BOD1L2: variants seen among roughly 807,000 people sequenced by gnomAD.
BOD1L2 encodes biorientation of chromosomes in cell division protein 1-like 2.
BOD1L2 carries 6 observed loss-of-function variants against 5.3 expected under a neutral mutation model. That is an observed-to-expected ratio of 1.14 (90% confidence interval 0.62 to 2.25). The LOEUF (loss-of-function observed/expected upper bound fraction) is 2.25. Among genes scored for constraint, BOD1L2 ranks in the 30% most tolerant of loss-of-function variants. The pLI is 0.00. For synonymous variants in BOD1L2, 96 were observed against 96.3 expected, an observed-to-expected ratio of 1.00 and a Z score of 0.02; for missense variants, 210 against 227.2, an observed-to-expected ratio of 0.92 and a Z score of 0.49.
chr18:57,147,365 G>T lies in BOD1L2; in HGVS notation c.53G>T (p.Arg18Leu). 2 of 1,500,186 alleles carry T rather than the reference G, an allele frequency of 1.3e-6. No individual in the cohort carries two copies. The highest frequency in any genetic ancestry group is 1.8e-6 in the Non-Finnish European group (2 of 1,128,748). 92.9% of individuals were successfully genotyped at this position (1,500,186 alleles called of 1,614,324 possible). A position where few individuals can be genotyped will look rare whatever the true frequency, so the allele number is the denominator to read the frequency against. Residue 18 changes from arginine (R) to leucine (L), a missense_variant, in exon 1 of 1, where the codon CGG becomes CTG. Transcript: ENST00000585477. Reference protein sequence around the residue: ...GSGGAGPASTRASGGGGPINP... With the variant: ...GSGGAGPASTLASGGGGPINP... Reference sequence around the variant, plus strand: ...GGCGGTGCGGGCCCGGCCTCGACCCGGGCCAGCGGGGGCGGCGGCCCCATC... The same window carrying T: ...GGCGGTGCGGGCCCGGCCTCGACCCTGGCCAGCGGGGGCGGCGGCCCCATC...
Position 57,147,805 on chromosome 18 carries a change from C to T in BOD1L2, c.493C>T (p.Pro165Ser). Residue 165 changes from proline to serine, a missense_variant, in exon 1 of 1, where the codon CCA becomes TCA. Coordinates refer to ENST00000585477, the MANE Select transcript of BOD1L2 (RefSeq NM_001257964.2). ...TCCAGAGCCAGAAGGCCAGGACCCT[C>T]CAGCTCCGTCTCAGGACACTTCCTA... The part of the protein sequence containing the change: ...LPPEPEGQDP[P>S]APSQDTS The T allele has an allele frequency of 6.2e-7, 1 of 1,612,302 alleles. No individual in the cohort carries two copies. Among genetic ancestry groups the T allele is most frequent in the Non-Finnish European group, 8.5e-7 (1 of 1,179,180 alleles).
Position 57,148,428 on chromosome 18 carries a change from A to C in BOD1L2, c.*597A>C, listed in dbSNP as rs2048938970. ...GAGATAACAAAGCATGAAACCCTAG[A>C]ATGAGTGAGAAGTTCAGACATTAGG... On this transcript the variant is annotated 3_prime_UTR_variant, in exon 1 of 1. Transcript: ENST00000585477. 1 of 152,796 alleles carries C rather than the reference A, an allele frequency of 6.5e-6. No homozygotes were observed. The highest frequency in any genetic ancestry group is 6.5e-5 in the Admixed American group (1 of 15,372). 9.5% of individuals were successfully genotyped at this position (152,796 alleles called of 1,614,324 possible).
In BOD1L2 at chr18:57,148,108, A is replaced by C; in HGVS notation, c.*277A>C. 1 of 339,340 alleles carries C rather than the reference A, an allele frequency of 2.9e-6. No individual in the cohort carries two copies. The highest frequency in any genetic ancestry group is 5.5e-6 in the Non-Finnish European group (1 of 182,750). The allele number at this position is 339,340 out of a possible 1,614,324, so 21.0% of individuals were successfully genotyped here. On this transcript the variant is annotated 3_prime_UTR_variant, in exon 1 of 1. Coordinates refer to ENST00000585477, the MANE Select transcript of BOD1L2 (RefSeq NM_001257964.2). ...CTACAGAGAGGGAAACACTACCGCG[A>C]CCCAGGATTGTCCTGAAACAGACAT...
rs1265642149 is a variant in BOD1L2, at chr18:57,149,563, C to T, written c.*1732C>T. The T allele has an allele frequency of 6.6e-6, 1 of 152,170 alleles. No homozygotes were observed. Among genetic ancestry groups the T allele is most frequent in the Non-Finnish European group, 1.5e-5 (1 of 68,028 alleles). 9.4% of individuals were successfully genotyped at this position (152,170 alleles called of 1,614,324 possible). A position where few individuals can be genotyped will look rare whatever the true frequency, so the allele number is the denominator to read the frequency against. On this transcript the variant is annotated 3_prime_UTR_variant, in exon 1 of 1. Transcript: ENST00000585477. ...AATTTAGAGTCCAGAAGGTAGAAGA[C>T]CATGTCCTTTCTGAAAATGTCCCTT...
At position 57,150,006 on chromosome 18, in the gene BOD1L2, G is replaced by C. The variant is rs997903743; in HGVS notation, c.*2175G>C. ...TTCTACTTGAATTGTCCTGAGACAG[G>C]TTGCCAGATAAAATACAGGTTGCTC... On this transcript the variant is annotated 3_prime_UTR_variant, in exon 1 of 1. Transcript: ENST00000585477. The C allele has an allele frequency of 2.0e-5, 3 of 152,080 alleles. No individual in the cohort carries two copies. Among genetic ancestry groups the C allele is most frequent in the African/African-American group, 7.2e-5 (3 of 41,464 alleles). 9.4% of individuals were successfully genotyped at this position (152,080 alleles called of 1,614,324 possible). A position where few individuals can be genotyped will look rare whatever the true frequency, so the allele number is the denominator to read the frequency against.
In BOD1L2 at chr18:57,149,150, T is replaced by A. The variant is rs2048943305; in HGVS notation, c.*1319T>A. ...TGGTGGGGCTGGGGCTGAGCCTGTA[T>A]TGAGCACAGAGCCCTCACTTTTAAC... On this transcript the variant is annotated 3_prime_UTR_variant, in exon 1 of 1. Coordinates refer to ENST00000585477, the MANE Select transcript of BOD1L2 (RefSeq NM_001257964.2). 1.3e-5 allele frequency: 2 copies of A among 152,254 alleles called. No individual in the cohort carries two copies. Among genetic ancestry groups the A allele is most frequent in the Non-Finnish European group, 2.9e-5 (2 of 68,056 alleles). The allele number at this position is 152,254 out of a possible 1,614,324, so 9.4% of individuals were successfully genotyped here. A position where few individuals can be genotyped will look rare whatever the true frequency, so the allele number is the denominator to read the frequency against.
Position 57,147,551 on chromosome 18 carries a change from T to C in BOD1L2, c.239T>C (p.Val80Ala). 1 of 1,611,124 alleles carries C rather than the reference T, an allele frequency of 6.2e-7. No individual in the cohort carries two copies. Among genetic ancestry groups the C allele is most frequent in the Admixed American group, 1.7e-5 (1 of 59,690 alleles). Residue 80 changes from valine (V) to alanine (A), a missense_variant, in exon 1 of 1, where the codon GTG becomes GCG. Physicochemically the swap from Val to Ala is moderately conservative, Grantham distance 64. Transcript: ENST00000585477. The stretch of plus-strand genomic sequence containing the variant: ...CTGAGCCAGAAAGCGGATAATTTTG[T>C]GTCGACACATCTGGACAAGCAGGAA... ...QNLSQKADNF[V>A]STHLDKQEWN...
Position 57,147,779 on chromosome 18 carries a change from C to T in BOD1L2, c.467C>T (p.Pro156Leu), listed in dbSNP as rs1363124861. 1.9e-6 allele frequency: 3 copies of T among 1,613,654 alleles called. No individual in the cohort carries two copies. Among genetic ancestry groups the T allele is most frequent in the East Asian group, 2.2e-5 (1 of 44,886 alleles). The change falls in exon 1 of 1, where the codon CCT (proline) becomes CTT (leucine). Residue 156 changes from proline to leucine, a missense_variant. Physicochemically the swap from Pro to Leu is moderately conservative, Grantham distance 98 (BLOSUM62 -3). Coordinates refer to ENST00000585477, the MANE Select transcript of BOD1L2 (RefSeq NM_001257964.2). ...AQKEAAVPALPPEPEGQDPPA... is the reference protein window; with the variant it reads ...AQKEAAVPALLPEPEGQDPPA... ...AAAGAAGCAGCTGTGCCAGCACTCC[C>T]TCCAGAGCCAGAAGGCCAGGACCCT... is the stretch of plus-strand genomic sequence containing the variant.
chr18:57,149,767 T>G lies in BOD1L2; in HGVS notation c.*1936T>G, dbSNP rs537563127. The G allele has an allele frequency of 6.6e-6, 1 of 152,352 alleles. No homozygotes were observed. Among genetic ancestry groups the G allele is most frequent in the South Asian group, 2.1e-4 (1 of 4,828 alleles). 9.4% of individuals were successfully genotyped at this position (152,352 alleles called of 1,614,324 possible). A position where few individuals can be genotyped will look rare whatever the true frequency, so the allele number is the denominator to read the frequency against. ...TTTTTACAAAAACAGCTAAGCTCTT[T>G]CTGAGATTTAAAATCACTCCATCTG... On this transcript the variant is annotated 3_prime_UTR_variant, in exon 1 of 1. Coordinates refer to ENST00000585477, the MANE Select transcript of BOD1L2 (RefSeq NM_001257964.2).
chr18:57,148,025 C>A lies in BOD1L2; in HGVS notation c.*194C>A. ...CAGAGAGAAAGTTGACCGTGGCACC[C>A]TCCTGCATTGCGCTGCCATTTGGCC... On this transcript the variant is annotated 3_prime_UTR_variant, in exon 1 of 1. Coordinates refer to ENST00000585477, the MANE Select transcript of BOD1L2 (RefSeq NM_001257964.2). 2 of 614,962 alleles carry A rather than the reference C, an allele frequency of 3.3e-6. No individual in the cohort carries two copies. Among genetic ancestry groups the A allele is most frequent in the Non-Finnish European group, 2.7e-6 (1 of 366,384 alleles). The allele number at this position is 614,962 out of a possible 1,614,324, so 38.1% of individuals were successfully genotyped here. A position where few individuals can be genotyped will look rare whatever the true frequency, so the allele number is the denominator to read the frequency against.
rs2048945117 is a variant in BOD1L2, at chr18:57,149,623, C to T, written c.*1792C>T. 6.6e-6 allele frequency: 1 copy of T among 152,168 alleles called. No individual in the cohort carries two copies. The highest frequency in any genetic ancestry group is 2.1e-4 in the South Asian group (1 of 4,826). 9.4% of individuals were successfully genotyped at this position (152,168 alleles called of 1,614,324 possible). ...GGTACCAGGCTCTTTTTAAAATTAGCTTCTGAATATGAACAACCCAGCTCT... is the reference window on the plus strand; with the variant it reads ...GGTACCAGGCTCTTTTTAAAATTAGTTTCTGAATATGAACAACCCAGCTCT... On this transcript the variant is annotated 3_prime_UTR_variant, in exon 1 of 1. Coordinates refer to ENST00000585477, the MANE Select transcript of BOD1L2 (RefSeq NM_001257964.2).
In BOD1L2 at chr18:57,149,187, T is replaced by A. The variant is rs2048943456; in HGVS notation, c.*1356T>A. 1.3e-5 allele frequency: 2 copies of A among 152,258 alleles called. No homozygotes were observed. Among genetic ancestry groups the A allele is most frequent in the Admixed American group, 6.5e-5 (1 of 15,282 alleles). The allele number at this position is 152,258 out of a possible 1,614,324, so 9.4% of individuals were successfully genotyped here. The stretch of plus-strand genomic sequence containing the variant: ...CCCTCACTTTTAACCCTTTTAACCA[T>A]GCTTTTAGCCACACCACCTCACCAC... On this transcript the variant is annotated 3_prime_UTR_variant, in exon 1 of 1. Transcript: ENST00000585477.
chr18:57,148,965 C>T lies in BOD1L2; in HGVS notation c.*1134C>T, dbSNP rs1488781154. 1 of 152,238 alleles carries T rather than the reference C, an allele frequency of 6.6e-6. No homozygotes were observed. The highest frequency in any genetic ancestry group is 1.9e-4 in the East Asian group (1 of 5,208). 9.4% of individuals were successfully genotyped at this position (152,238 alleles called of 1,614,324 possible). A position where few individuals can be genotyped will look rare whatever the true frequency, so the allele number is the denominator to read the frequency against. On this transcript the variant is annotated 3_prime_UTR_variant, in exon 1 of 1. Coordinates refer to ENST00000585477, the MANE Select transcript of BOD1L2 (RefSeq NM_001257964.2). Reference sequence around the variant, plus strand: ...CACTTACTATAGTAGCTAGGTCTGACGAAGCACTTGCTCTATTGCTCTACA... The same window carrying T: ...CACTTACTATAGTAGCTAGGTCTGATGAAGCACTTGCTCTATTGCTCTACA...
chr18:57,147,552 GT>G lies in BOD1L2; in HGVS notation c.241del (p.Ser81ArgfsTer22), dbSNP rs1174314708. On this transcript the variant is annotated frameshift_variant, in exon 1 of 1. Transcript: ENST00000585477. LOFTEE classifies it high-confidence loss of function. ...TGAGCCAGAAAGCGGATAATTTTGT[GT>G]CGACACATCTGGACAAGCAGGAATG... Reference protein sequence around the residue: ...NLSQKADNFVSTHLDKQEWNP... With the variant: ...NLSQKADNFVXTHLDKQEWNP... 1 of 1,611,224 alleles carries G rather than the reference GT, an allele frequency of 6.2e-7. No individual in the cohort carries two copies. The highest frequency in any genetic ancestry group is 1.7e-5 in the Admixed American group (1 of 59,716).
chr18:57,147,932 C>A lies in BOD1L2; in HGVS notation c.*101C>A. The stretch of plus-strand genomic sequence containing the variant: ...TTTCAGATTGAAGATAAGCCAAGTT[C>A]ATCACTGAGCTCAAGATTTCCACCT... On this transcript the variant is annotated 3_prime_UTR_variant, in exon 1 of 1. Coordinates refer to ENST00000585477, the MANE Select transcript of BOD1L2 (RefSeq NM_001257964.2). 1 of 1,230,652 alleles carries A rather than the reference C, an allele frequency of 8.1e-7. No individual in the cohort carries two copies. Among genetic ancestry groups the A allele is most frequent in the Non-Finnish European group, 1.1e-6 (1 of 899,708 alleles). 76.2% of individuals were successfully genotyped at this position (1,230,652 alleles called of 1,614,324 possible). A position where few individuals can be genotyped will look rare whatever the true frequency, so the allele number is the denominator to read the frequency against.
chr18:57,147,945 A>G lies in BOD1L2; in HGVS notation c.*114A>G. 3 of 1,174,418 alleles carry G rather than the reference A, an allele frequency of 2.6e-6. No homozygotes were observed. The highest frequency in any genetic ancestry group is 3.2e-5 in the South Asian group (2 of 61,688). 72.7% of individuals were successfully genotyped at this position (1,174,418 alleles called of 1,614,324 possible). On this transcript the variant is annotated 3_prime_UTR_variant, in exon 1 of 1. Coordinates refer to ENST00000585477, the MANE Select transcript of BOD1L2 (RefSeq NM_001257964.2). ...ATAAGCCAAGTTCATCACTGAGCTC[A>G]AGATTTCCACCTCGACCATGAGCAG...
At position 57,149,668 on chromosome 18, in the gene BOD1L2, C is replaced by A. The variant is rs1015370814; in HGVS notation, c.*1837C>A. On this transcript the variant is annotated 3_prime_UTR_variant, in exon 1 of 1. Transcript: ENST00000585477. ...AGCTCTTTAAAGTTTAATGTCCCAG[C>A]CATTTTAATTGTTTCTTTCGAAGTA... 1 of 152,200 alleles carries A rather than the reference C, an allele frequency of 6.6e-6. No homozygotes were observed. Among genetic ancestry groups the A allele is most frequent in the Non-Finnish European group, 1.5e-5 (1 of 68,038 alleles). The allele number at this position is 152,200 out of a possible 1,614,324, so 9.4% of individuals were successfully genotyped here.
chr18:57,147,578 G>A lies in BOD1L2; in HGVS notation c.266G>A (p.Trp89Ter). The A allele has an allele frequency of 1.2e-6, 2 of 1,613,042 alleles. No homozygotes were observed. The highest frequency in any genetic ancestry group is 2.2e-5 in the South Asian group (2 of 91,024). ...FVSTHLDKQE[W>*]NPPANDNQLH... ...TCGACACATCTGGACAAGCAGGAAT[G>A]GAATCCTCCAGCAAACGACAACCAA... Residue 89 changes from tryptophan to a stop codon, truncating the protein, a stop_gained, in exon 1 of 1, where the codon TGG becomes TAG. Coordinates refer to ENST00000585477, the MANE Select transcript of BOD1L2 (RefSeq NM_001257964.2). LOFTEE classifies it high-confidence loss of function.
rs1373325088 is a variant in BOD1L2, at chr18:57,150,313, CAT to C, written c.*2483_*2484del. 1.4e-5 allele frequency: 2 copies of C among 140,306 alleles called. No individual in the cohort carries two copies. The highest frequency in any genetic ancestry group is 3.1e-5 in the Non-Finnish European group (2 of 63,570). 8.7% of individuals were successfully genotyped at this position (140,306 alleles called of 1,614,324 possible). On this transcript the variant is annotated 3_prime_UTR_variant, in exon 1 of 1. Coordinates refer to ENST00000585477, the MANE Select transcript of BOD1L2 (RefSeq NM_001257964.2). Reference sequence around the variant, plus strand: ...CAAACTACCGTGACTTGAGAGAGCTCATTACGTGCGTGCGTGCATGCCTGCCC... The same window carrying C: ...CAAACTACCGTGACTTGAGAGAGCTCTACGTGCGTGCGTGCATGCCTGCCC...
Sources: gnomAD v4.1 joint callset for allele counts on GRCh38, gnomAD v4.1.1 for gene constraint, MANE v1.5 for transcripts, NCBI Gene and HGNC (gene_info 2026-07-23, HGNC 2026-07-21) for gene names.